Variants in NRG3 observed in about 807,000 individuals in gnomAD.
The protein encoded by NRG3 is pro-neuregulin-3, membrane-bound isoform.
In NRG3, 31 loss-of-function variants were observed where a neutral mutation model predicts 66.9. The observed-to-expected ratio is 0.46, with a 90% CI of 0.35 to 0.63. The LOEUF (loss-of-function observed/expected upper bound fraction) is 0.63. NRG3 is among the 20% of genes least tolerant of loss of function. NRG3 has a pLI of 0.00. For synonymous variants in NRG3, 393 were observed against 359.4 expected (o/e 1.09, Z -1.06); for missense variants, 910 against 878.9 (o/e 1.04, Z -0.45).
At chr10:82,675,422 A>T (rs941002617) in intron 2 of NRG3, among the ~76,000 whole-genome samples, 7 of 152,190 alleles carry the variant, frequency 4.6e-5, no homozygotes, top group African/African-American at 1.4e-4. Context: ...AGTCCAGGTG[A>T]AGCCAGGTGT....
At chr10:82,219,564 T>C (rs184275015) in intron 1 of NRG3, among the ~76,000 whole-genome samples, 2 of 152,300 alleles carry the variant, frequency 1.3e-5, no homozygotes, top group East Asian at 3.9e-4. Context: ...TAATTCTATT[T>C]CTTCAGTTTC....
chr10:82,592,540 A>G (rs964491329), intron 2 of NRG3, among the ~76,000 whole-genome samples: 1 of 152,204 alleles, frequency 6.6e-6, no homozygotes, highest in Non-Finnish European at 1.5e-5. Flanking sequence ...GAGACTACTC[A>G]TGTGCCAAAT....
At chr10:82,399,683 A>T (rs1220900641) in intron 2 of NRG3, among the ~76,000 whole-genome samples, 1 of 152,196 alleles carries the variant, frequency 6.6e-6, no homozygotes, top group Non-Finnish European at 1.5e-5. Context: ...GTTTACCCAC[A>T]AAAGCTTCGC....
chr10:82,973,964 A>T, intron 7 of NRG3, 49 bp downstream of exon 7: 1 of 1,606,642 alleles, frequency 6.2e-7, no homozygotes, highest in Non-Finnish European at 8.5e-7. Flanking sequence ...CACTGTGTGT[A>T]TGCTGGGTGG....
intron 1 of NRG3, among the ~76,000 whole-genome samples, chr10:82,138,438 C>T (rs111631780): frequency 4.4e-4 from 67 of 152,248 alleles, no homozygotes; most frequent in African/African-American, 1.6e-3. Flanking sequence ...CCATTTGGTA[C>T]TATCTTCTTG....
At chr10:82,289,538 C>T (rs896582887) in intron 1 of NRG3, among the ~76,000 whole-genome samples, 2 of 152,162 alleles carry the variant, frequency 1.3e-5, no homozygotes, top group African/African-American at 2.4e-5. Flanking sequence ...GTCTCTTGCT[C>T]TCTTGCATTC....
At chr10:82,856,743 C>CAAAAAA (rs371581250) in intron 3 of NRG3, among the ~76,000 whole-genome samples, 7 of 66,304 alleles carry the variant, frequency 1.1e-4, no homozygotes, top group Admixed American at 1.8e-4. Context: ...GACTCTGTCT[C>CAAAAAA]AAAAAAAAAA....
chr10:82,224,847 G>C (rs1471158426), intron 1 of NRG3, among the ~76,000 whole-genome samples: 1 of 151,870 alleles, frequency 6.6e-6, no homozygotes, highest in African/African-American at 2.4e-5. Context: ...TTTTTTCACA[G>C]GGGAAAAATT....
chr10:82,537,179 A>C (rs1404957623), intron 2 of NRG3, among the ~76,000 whole-genome samples: 1 of 152,020 alleles, frequency 6.6e-6, no homozygotes, highest in Non-Finnish European at 1.5e-5. Flanking sequence ...CTTGCAATTA[A>C]ATATAAAATA....
intron 4 of NRG3, among the ~76,000 whole-genome samples, chr10:82,869,389 C>T (rs1192989217): frequency 2.6e-5 from 4 of 152,058 alleles, no homozygotes; most frequent in Non-Finnish European, 4.4e-5. Context: ...CATTATCATT[C>T]AAAGTCCAAA....
intron 1 of NRG3, among the ~76,000 whole-genome samples, chr10:82,257,231 G>C (rs571342271): frequency 6.6e-6 from 1 of 152,170 alleles, no homozygotes; most frequent in Non-Finnish European, 1.5e-5. Context: ...GGAAGGTCTA[G>C]TGAAAGGGAA....
chr10:82,113,008 G>A (rs1351376129), intron 1 of NRG3, among the ~76,000 whole-genome samples: 1 of 152,072 alleles, frequency 6.6e-6, no homozygotes, highest in Non-Finnish European at 1.5e-5. Context: ...TGGCCTCAGT[G>A]TATTGTTTTC....
At chr10:82,266,618 G>C (rs2078314569) in intron 1 of NRG3, among the ~76,000 whole-genome samples, 1 of 152,128 alleles carries the variant, frequency 6.6e-6, no homozygotes, top group South Asian at 2.1e-4. Flanking sequence ...GAGAATCCAG[G>C]ATGTGGTACT....
chr10:82,984,063 T>C (rs184124453), intron 8 of NRG3, among the ~76,000 whole-genome samples: 30 of 152,366 alleles, frequency 2.0e-4, no homozygotes, highest in African/African-American at 7.2e-4. Context: ...AAAGGAGATT[T>C]ATTGTATGGA....
At chr10:81,966,090 A>G (rs2059720702) in intron 1 of NRG3, among the ~76,000 whole-genome samples, 1 of 151,824 alleles carries the variant, frequency 6.6e-6, no homozygotes, top group Non-Finnish European at 1.5e-5. Flanking sequence ...AGAGCTTTTA[A>G]TAAGGAATTG....
intron 2 of NRG3, among the ~76,000 whole-genome samples, chr10:82,627,055 G>A (rs890111791): frequency 6.6e-5 from 10 of 151,774 alleles, no homozygotes; most frequent in African/African-American, 2.4e-4. Flanking sequence ...ACTCTACAGT[G>A]GTTGCATTTT....
chr10:82,676,128 A>T (rs2053664044), intron 2 of NRG3, among the ~76,000 whole-genome samples: 1 of 152,236 alleles, frequency 6.6e-6, no homozygotes, highest in Non-Finnish European at 1.5e-5. Context: ...TTTCATTGAC[A>T]CGAGGCCAGC....
chr10:82,600,376 A>G (rs2047544619), intron 2 of NRG3, among the ~76,000 whole-genome samples: 1 of 152,224 alleles, frequency 6.6e-6, no homozygotes, highest in Admixed American at 6.5e-5. Context: ...CAAACAGCTG[A>G]ATTGTTTTAA....
intron 1 of NRG3, among the ~76,000 whole-genome samples, chr10:82,331,438 A>G (rs1340596387): frequency 2.6e-5 from 4 of 152,138 alleles, no homozygotes; most frequent in East Asian, 1.9e-4. Context: ...TTAACTCAGT[A>G]TTTCCTAAAC....
Sources: gnomAD v4.1 joint callset for allele counts (sites outside exome capture counted in the v4.1 genomes callset) on GRCh38, gnomAD v4.1.1 for gene constraint, MANE v1.5 for transcripts, NCBI Gene and HGNC (gene_info 2026-07-23, HGNC 2026-07-21) for gene names.